Variants in MLYCD observed in about 807,000 individuals in gnomAD.
MLYCD encodes the protein malonyl-CoA decarboxylase.
Under a neutral mutation model 35.8 loss-of-function variants are expected in MLYCD, and 27 were observed. The observed-to-expected ratio is 0.75, with a 90% CI of 0.56 to 1.04. MLYCD has a LOEUF of 1.04. Ranked by LOEUF, MLYCD falls within the 50% of genes least tolerant of loss-of-function variation. The pLI, the probability that MLYCD is intolerant of heterozygous loss-of-function variation, is 0.00. For missense variants in MLYCD, 917 were observed against 665.1 expected (o/e 1.38, Z -4.17); for synonymous variants, 403 against 302.4 (o/e 1.33, Z -3.45).
At chr16:83,904,478 G>C (rs1291896516) in intron 1 of MLYCD, among the ~76,000 whole-genome samples, 5 of 152,210 alleles carry the variant, frequency 3.3e-5, no homozygotes, top group Admixed American at 2.0e-4. Context: ...GGGCCATTCT[G>C]TGTCACCTAG....
In MLYCD at chr16:83,915,558, T is replaced by TA; in HGVS notation, c.*70dup. 6.3e-7 allele frequency: 1 copy of TA among 1,579,732 alleles called. No homozygotes were observed. Among genetic ancestry groups the TA allele is most frequent in the Non-Finnish European group, 8.5e-7 (1 of 1,171,040 alleles). On this transcript the variant is annotated 3_prime_UTR_variant, in exon 5 of 5. Coordinates refer to ENST00000262430, the MANE Select transcript of MLYCD (RefSeq NM_012213.3). ...ATCATTTTCAGGAGGGGCCGGGAGTTATGTATCTGAAGCAGCTTTCCAAGC... is the reference window on the plus strand; with the variant it reads ...ATCATTTTCAGGAGGGGCCGGGAGTTAATGTATCTGAAGCAGCTTTCCAAGC...
rs542204024 is a variant in MLYCD at position 83,910,850 on chromosome 16, C to A, written c.799-1368C>A. On this transcript the variant is annotated intron_variant, in intron 3 of 4. Coordinates refer to ENST00000262430, the MANE Select transcript of MLYCD (RefSeq NM_012213.3). ...TTCATGTCATGAGCTCTCCCCCTTTCCTCACAGCAGCATTTCTTCACTTTG... is the reference window on the plus strand; with the variant it reads ...TTCATGTCATGAGCTCTCCCCCTTTACTCACAGCAGCATTTCTTCACTTTG... Among the ~76,000 whole-genome samples, 3 of 152,342 alleles carry A rather than the reference C, an allele frequency of 2.0e-5. No homozygotes were observed. The South Asian group carries it at 6.2e-4, about 32-fold the overall frequency.
At chr16:83,900,701 G>A (rs200974849) in intron 1 of MLYCD, among the ~76,000 whole-genome samples, 23 of 148,870 alleles carry the variant, frequency 1.5e-4, no homozygotes, top group East Asian at 7.9e-4. Context: ...TGGACATTCA[G>A]AAGTTTGTTA....
At chr16:83,913,740 G>C (rs556643254) in intron 4 of MLYCD, 1 of 151,296 alleles carries the variant, frequency 6.6e-6, no homozygotes, top group African/African-American at 2.4e-5. Context: ...CTTGAACCTA[G>C]GAGGCGGAGA....
intron 3 of MLYCD, among the ~76,000 whole-genome samples, chr16:83,910,404 G>C (rs1426858801): frequency 2.6e-5 from 4 of 152,010 alleles, no homozygotes; most frequent in Non-Finnish European, 4.4e-5. Context: ...AAACAAAGGA[G>C]AGCCCGACGC....
intron 3 of MLYCD, 46 bp downstream of exon 3, chr16:83,908,328 C>T: frequency 1.3e-6 from 2 of 1,591,388 alleles, no homozygotes; most frequent in East Asian, 2.2e-5. Context: ...CCCCATAGAG[C>T]CCCTTGTGTT....
rs545813471 is a variant in MLYCD, at chr16:83,926,523, C to G, written c.*11034C>G. The G allele has an allele frequency of 3.3e-5, 5 of 152,442 alleles. No homozygotes were observed. Among genetic ancestry groups the G allele is most frequent in the African/African-American group, 1.2e-4 (5 of 41,596 alleles). 9.4% of individuals were successfully genotyped at this position (152,442 alleles called of 1,614,324 possible). On this transcript the variant is annotated 3_prime_UTR_variant, in exon 5 of 5. Transcript: ENST00000262430. ...TGAAGCCACACGCGGCCGCCCTTCT[C>G]AGGAGCCCACTTCCACCTCTCGCAG...
Position 83,925,499 on chromosome 16 carries a change from C to G in MLYCD, c.*10010C>G, listed in dbSNP as rs1395995744. On this transcript the variant is annotated 3_prime_UTR_variant, in exon 5 of 5. Coordinates refer to ENST00000262430, the MANE Select transcript of MLYCD (RefSeq NM_012213.3). ...CCCACCTGCCTACGCCAGACTCTTC[C>G]AGATCCTTCTCCACCCCAGCAGGCA... 6.6e-6 allele frequency: 1 copy of G among 152,420 alleles called. No individual in the cohort carries two copies. Among genetic ancestry groups the G allele is most frequent in the Non-Finnish European group, 1.5e-5 (1 of 68,144 alleles). The allele number at this position is 152,420 out of a possible 1,614,324, so 9.4% of individuals were successfully genotyped here.
intron 1 of MLYCD, among the ~76,000 whole-genome samples, chr16:83,900,701 G>T (rs200974849): frequency 2.0e-5 from 3 of 148,762 alleles, no homozygotes; most frequent in African/African-American, 5.0e-5. Context: ...TGGACATTCA[G>T]AAGTTTGTTA....
chr16:83,901,004 T>C (rs1433427687), intron 1 of MLYCD, among the ~76,000 whole-genome samples: 5 of 152,212 alleles, frequency 3.3e-5, no homozygotes, highest in Non-Finnish European at 7.3e-5. Flanking sequence ...TTTGGCTACT[T>C]AGATGCATAA....
At chr16:83,908,075 G>A (rs771810331) in intron 2 of MLYCD, 51 bp from the exon 3 acceptor site, 10 of 1,608,964 alleles carry the variant, frequency 6.2e-6, no homozygotes, top group South Asian at 5.5e-5. Flanking sequence ...GTCAGCAGCC[G>A]TTGCTTGTGA....
In MLYCD at chr16:83,916,956, C is replaced by T. The variant is rs565666925; in HGVS notation, c.*1467C>T. 1.5e-5 allele frequency: 2 copies of T among 133,282 alleles called. No individual in the cohort carries two copies. The highest frequency in any genetic ancestry group is 3.1e-5 in the Non-Finnish European group (2 of 64,672). The allele number at this position is 133,282 out of a possible 1,614,324, so 8.3% of individuals were successfully genotyped here. On this transcript the variant is annotated 3_prime_UTR_variant, in exon 5 of 5. Coordinates refer to ENST00000262430, the MANE Select transcript of MLYCD (RefSeq NM_012213.3). ...CAGTGCACGTCTGTGTGCGTGTGCA[C>T]GAGCGTTCTATGTGGATCAGTGCAC...
intron 1 of MLYCD, among the ~76,000 whole-genome samples, chr16:83,903,077 G>T (rs982425614): frequency 8.5e-5 from 13 of 152,184 alleles, no homozygotes; most frequent in Admixed American, 6.5e-4. Flanking sequence ...CCAGTAGAGG[G>T]GAAGGTCTGA....
rs1907680754 is a variant in MLYCD at position 83,922,313 on chromosome 16, A to G, written c.*6824A>G. 6.6e-6 allele frequency: 1 copy of G among 152,150 alleles called. No individual in the cohort carries two copies. Among genetic ancestry groups the G allele is most frequent in the African/African-American group, 2.4e-5 (1 of 41,416 alleles). 9.4% of individuals were successfully genotyped at this position (152,150 alleles called of 1,614,324 possible). A position where few individuals can be genotyped will look rare whatever the true frequency, so the allele number is the denominator to read the frequency against. ...TCTCCTTATCTCTTGGAGCCCTGTCATCTGTGGATCAGATGCTCCCCAGCT... is the reference window on the plus strand; with the variant it reads ...TCTCCTTATCTCTTGGAGCCCTGTCGTCTGTGGATCAGATGCTCCCCAGCT... On this transcript the variant is annotated 3_prime_UTR_variant, in exon 5 of 5. Coordinates refer to ENST00000262430, the MANE Select transcript of MLYCD (RefSeq NM_012213.3).
intron 1 of MLYCD, 107 bp from the exon 2 acceptor site, chr16:83,906,880 C>G: frequency 3.2e-6 from 3 of 937,764 alleles, no homozygotes; most frequent in East Asian, 2.4e-5. Flanking sequence ...GCACAATTGT[C>G]TTATGTATCG....
chr16:83,903,048 G>A (rs1446886448), intron 1 of MLYCD, among the ~76,000 whole-genome samples: 1 of 152,158 alleles, frequency 6.6e-6, no homozygotes, highest in African/African-American at 2.4e-5. Flanking sequence ...TGAAATCCCA[G>A]TGAAACCGAG....
At chr16:83,899,837 C>CT (rs1375407343) in intron 1 of MLYCD, among the ~76,000 whole-genome samples, 165 bp downstream of exon 1, 4 of 152,300 alleles carry the variant, frequency 2.6e-5, no homozygotes, top group South Asian at 2.1e-4. Context: ...CCCACGCTGT[C>CT]TGAGTCCTGG....
intron 3 of MLYCD, among the ~76,000 whole-genome samples, chr16:83,911,353 C>G (rs150471367): frequency 7.2e-4 from 109 of 152,318 alleles, no homozygotes; most frequent in Non-Finnish European, 1.2e-3. Flanking sequence ...CTGAGCTAAA[C>G]GCTCCTACTT....
chr16:83,906,949 G>A (rs778916627), intron 1 of MLYCD, 38 bp from the exon 2 acceptor site: 23 of 1,549,980 alleles, frequency 1.5e-5, no homozygotes, highest in African/African-American at 4.1e-5. Flanking sequence ...TTGATCTGTC[G>A]CACATTGGAG....
Sources: gnomAD v4.1 joint callset for allele counts (sites outside exome capture counted in the v4.1 genomes callset) on GRCh38, gnomAD v4.1.1 for gene constraint, MANE v1.5 for transcripts, NCBI Gene and HGNC (gene_info 2026-07-23, HGNC 2026-07-21) for gene names.